The following FDFT1 variants were observed in gnomAD, a reference collection of about 807,000 sequenced individuals.
FDFT1 encodes the protein farnesyl-diphosphate farnesyltransferase 1, also known as squalene synthase.
Under a neutral mutation model 46.8 loss-of-function variants are expected in FDFT1, and 68 were observed. That is an observed-to-expected ratio of 1.45 (90% CI 1.19 to 1.78). FDFT1 has a LOEUF of 1.78. FDFT1 is among the 40% of genes most tolerant of loss of function. The probability of loss-of-function intolerance (pLI) is 0.00; values close to 1 mark genes in which losing one functional copy is unlikely to be tolerated. For missense variants in FDFT1, 928 were observed against 524.4 expected, an observed-to-expected ratio of 1.77 and a Z score of -7.52; for synonymous variants, 351 against 185.1, an observed-to-expected ratio of 1.90 and a Z score of -7.28.
At chr8:11,801,714 GA>G, upstream of FDFT1, 1 of 265,654 alleles carries the variant, frequency 3.8e-6, no homozygotes, top group South Asian at 3.2e-5. Flanking sequence ...TTTTTTTGGA[GA>G]CGTAGTCTTG....
intron 3 of FDFT1, among the ~76,000 whole-genome samples, chr8:11,810,730 G>C (rs1585888604): frequency 6.6e-6 from 1 of 152,024 alleles, no homozygotes; most frequent in African/African-American, 2.4e-5. Flanking sequence ...TATAAATAAA[G>C]GTTTGATTTA....
chr8:11,828,979 T>C (rs931052667), intron 5 of FDFT1, among the ~76,000 whole-genome samples: 3 of 152,142 alleles, frequency 2.0e-5, no homozygotes, highest in South Asian at 2.1e-4. Flanking sequence ...GCATATAAGT[T>C]TTTGTGTAGA....
intron 7 of FDFT1, among the ~76,000 whole-genome samples, chr8:11,832,831 C>A (rs994062614): frequency 6.6e-6 from 1 of 152,094 alleles, no homozygotes; most frequent in East Asian, 1.9e-4. Flanking sequence ...ACATACAAGA[C>A]CCTCATCATT....
chr8:11,829,158 T>A (rs1459495532), intron 5 of FDFT1, among the ~76,000 whole-genome samples: 1 of 152,208 alleles, frequency 6.6e-6, no homozygotes, highest in East Asian at 1.9e-4. Context: ...TGTTGTTATC[T>A]CTTTTTAACT....
chr8:11,819,043 G>A (rs1369622987), intron 3 of FDFT1, among the ~76,000 whole-genome samples: 2 of 152,094 alleles, frequency 1.3e-5, no homozygotes, highest in African/African-American at 2.4e-5. Flanking sequence ...TTTAGGGCAG[G>A]CCTGGTGGTG....
In FDFT1 at chr8:11,824,105, C is replaced by T. The variant is rs1001230697; in HGVS notation, c.511-1919C>T. ...CTAAAACTCTTGGGCTCAAGCAGTC[C>T]CCTCTCCACAGCCTCCCAAAATTCC... On this transcript the variant is annotated intron_variant, in intron 4 of 7. Transcript: ENST00000220584. Among the ~76,000 whole-genome samples, 4 of 152,110 alleles carry T rather than the reference C, an allele frequency of 2.6e-5. No homozygotes were observed. In the East Asian group the frequency reaches 7.7e-4, roughly 29 times the overall value.
intron 7 of FDFT1, among the ~76,000 whole-genome samples, chr8:11,836,024 G>T (rs780930407): frequency 1.1e-4 from 17 of 148,822 alleles, no homozygotes; most frequent in Non-Finnish European, 2.1e-4. Flanking sequence ...ATGGTGGCAG[G>T]TGCCTGTAAT....
intron 4 of FDFT1, among the ~76,000 whole-genome samples, chr8:11,825,548 A>C (rs1477062660): frequency 6.6e-6 from 1 of 151,716 alleles, no homozygotes; most frequent in African/African-American, 2.4e-5. Context: ...TCAAAAAAAA[A>C]AAAAAAAAAA....
intron 7 of FDFT1, among the ~76,000 whole-genome samples, chr8:11,835,437 A>G (rs1563345922): frequency 6.6e-6 from 1 of 152,174 alleles, no homozygotes; most frequent in Non-Finnish European, 1.5e-5. Flanking sequence ...ATGATCATCA[A>G]AGGACTCAAA....
At chr8:11,838,199 T>A (rs1811802587) in intron 7 of FDFT1, among the ~76,000 whole-genome samples, 189 bp from the exon 8 acceptor site, 1 of 152,202 alleles carries the variant, frequency 6.6e-6, no homozygotes, top group South Asian at 2.1e-4. Flanking sequence ...GGCTTTGAGA[T>A]GAGCTGGGGC....
chr8:11,838,398 G>A lies in FDFT1; in HGVS notation c.1043G>A (p.Arg348Lys). Residue 348 changes from arginine (R) to lysine (K), a missense_variant, in exon 8 of 8, where the codon AGA becomes AAA. Coordinates refer to ENST00000220584, the MANE Select transcript of FDFT1 (RefSeq NM_004462.5). ...CTGTGTCTTTAACAGATTTATCATA[G>A]AATCCCCGACTCAGACCCATCTTCT... ...IYQYMEEIYHRIPDSDPSSSK... is the reference protein window; with the variant it reads ...IYQYMEEIYHKIPDSDPSSSK... 6.2e-7 allele frequency: 1 copy of A among 1,613,348 alleles called. No individual in the cohort carries two copies. The highest frequency in any genetic ancestry group is 8.5e-7 in the Non-Finnish European group (1 of 1,179,378).
upstream of FDFT1, among the ~76,000 whole-genome samples, chr8:11,797,595 C>T (rs1335187174): frequency 7.5e-6 from 1 of 132,522 alleles, no homozygotes; most frequent in East Asian, 2.2e-4. Flanking sequence ...GAGTTTGAGC[C>T]AGCCTGGACA....
intron 1 of FDFT1, among the ~76,000 whole-genome samples, chr8:11,804,911 T>G (rs1466702136): frequency 9.0e-5 from 7 of 77,576 alleles, no homozygotes; most frequent in African/African-American, 3.4e-4. Flanking sequence ...ACCCGGCCTT[T>G]TTTTTTTTTT....
intron 1 of FDFT1, among the ~76,000 whole-genome samples, chr8:11,806,168 G>A (rs181434309): frequency 1.3e-5 from 2 of 152,036 alleles, no homozygotes; most frequent in African/African-American, 4.8e-5. Flanking sequence ...TCGTCTTCCT[G>A]ACCACCCCCA....
chr8:11,802,440 C>G (rs1480414293), upstream of FDFT1: 3 of 460,476 alleles, frequency 6.5e-6, no homozygotes, highest in Middle Eastern at 3.2e-4. Flanking sequence ...CCACAGCGTT[C>G]GCGCTCCCAG....
rs906862601 is a variant in FDFT1, at chr8:11,802,821, G to C, written c.-12G>C. The C allele has an allele frequency of 1.2e-6, 2 of 1,602,016 alleles. No homozygotes were observed. On this transcript the variant is annotated 5_prime_UTR_variant, in exon 1 of 8. Transcript: ENST00000220584. ...TGAGAGTCGCGCCCGGGAGTCCGCC[G>C]CCTGCGCCAGGATGGAGTTCGTGAA...
intron 7 of FDFT1, among the ~76,000 whole-genome samples, chr8:11,832,561 A>AAAAAAC (rs1810957395): frequency 6.8e-6 from 1 of 147,690 alleles, no homozygotes; most frequent in Non-Finnish European, 1.5e-5. Flanking sequence ...CAAAAAAAAA[A>AAAAAAC]AAAAAAAAAA....
At chr8:11,809,282 A>G (rs7845951) in intron 2 of FDFT1, 2 of 1,097,692 alleles carry the variant, frequency 1.8e-6, no homozygotes, top group African/African-American at 3.3e-5. Context: ...AACTTAGACC[A>G]GTTGCCTTTA....
intron 3 of FDFT1, among the ~76,000 whole-genome samples, chr8:11,814,805 GAT>G (rs145935572): frequency 0.13 from 19,755 of 151,902 alleles, 1,385 homozygotes; most frequent in Middle Eastern, 0.16. Flanking sequence ...TAACTAATGA[GAT>G]AAAATGGTTG....
Sources: gnomAD v4.1 joint callset for allele counts (sites outside exome capture counted in the v4.1 genomes callset) on GRCh38, gnomAD v4.1.1 for gene constraint, MANE v1.5 for transcripts, NCBI Gene and HGNC (gene_info 2026-07-23, HGNC 2026-07-21) for gene names.